Variants in TIPIN observed in about 807,000 individuals in gnomAD.
TIPIN encodes the protein TIMELESS interacting protein.
In TIPIN, 29 loss-of-function variants were observed where a neutral mutation model predicts 35.6. The observed-to-expected ratio is 0.82, with a 90% CI of 0.61 to 1.11. The LOEUF (loss-of-function observed/expected upper bound fraction) is 1.11. TIPIN is among the 50% of genes most tolerant of loss of function. The pLI is 0.00. For missense variants in TIPIN, 296 were observed against 345.4 expected (o/e 0.86, Z 1.13); for synonymous variants, 102 against 121.5 (o/e 0.84, Z 1.06).
chr15:66,353,093 G>C lies in TIPIN; in HGVS notation c.-8-138C>G, dbSNP rs554187345. The C allele has an allele frequency of 9.3e-5, 72 of 771,154 alleles. No individual in the cohort carries two copies. The Middle Eastern group carries it at 1.9e-3, about 21-fold the overall frequency. The allele number at this position is 771,154 out of a possible 1,614,324, so 47.8% of individuals were successfully genotyped here. The stretch of plus-strand genomic sequence containing the variant: ...CTCACACATCATGAAAAGTAGAGAA[G>C]ATACTAATTATGAAAAAAAAGACTA... On this transcript the variant is annotated intron_variant, in intron 1 of 7. Transcript: ENST00000261881.
At chr15:66,357,371 G>C (rs1040315871), upstream of TIPIN, among the ~76,000 whole-genome samples, 4 of 152,076 alleles carry the variant, frequency 2.6e-5, no homozygotes, top group Non-Finnish European at 4.4e-5. Context: ...TTTATGAATT[G>C]TTTATTGAAT....
In TIPIN at chr15:66,337,145, T is replaced by G. The variant is rs1400695441; in HGVS notation, c.719A>C (p.Glu240Ala). The change falls in exon 8 of 8, where the codon GAA (glutamate) becomes GCA (alanine). Residue 240 changes from glutamate (E) to alanine (A), a missense_variant. By Grantham distance (107) the Glu-to-Ala change is moderately radical. Coordinates refer to ENST00000261881, the MANE Select transcript of TIPIN (RefSeq NM_017858.3). ...LMNTPRAHTV[E>A]EVNTDEDQKE... is the part of the protein sequence containing the mutation. ...TTGATCCTCATCAGTATTAACCTCTTCAACCGTGTGTGCCCTGGGTGTATT... is the reference window on the plus strand; with the variant it reads ...TTGATCCTCATCAGTATTAACCTCTGCAACCGTGTGTGCCCTGGGTGTATT... The G allele has an allele frequency of 1.2e-6, 2 of 1,613,940 alleles. No homozygotes were observed. The highest frequency in any genetic ancestry group is 1.7e-6 in the Non-Finnish European group (2 of 1,179,988).
chr15:66,345,333 G>A (rs981822960), intron 6 of TIPIN, among the ~76,000 whole-genome samples: 2 of 151,988 alleles, frequency 1.3e-5, no homozygotes, highest in South Asian at 4.1e-4. Context: ...ATCCCGGCAC[G>A]TTGGGAGGCC....
rs2093276161 is a variant in TIPIN at position 66,371,148 on chromosome 15, T to C, written c.-9+15459A>G. 5.1e-6 allele frequency: 4 copies of C among 778,738 alleles called. No homozygotes were observed. The Admixed American group carries it at 2.5e-4, about 49-fold the overall frequency. The allele number at this position is 778,738 out of a possible 1,614,324, so 48.2% of individuals were successfully genotyped here. A position where few individuals can be genotyped will look rare whatever the true frequency, so the allele number is the denominator to read the frequency against. ...ATCACTTGAGCCCAGGAGGCAGAGG[T>C]TGCAGTGAGCTGAGATCTCGCCATT... On this transcript the variant is annotated intron_variant, in intron 1 of 7. Transcript: ENST00000562124.
At chr15:66,384,014 T>C (rs1204615450) in intron 1 of TIPIN, among the ~76,000 whole-genome samples, 3 of 152,190 alleles carry the variant, frequency 2.0e-5, no homozygotes, top group Non-Finnish European at 2.9e-5. Flanking sequence ...TATTTATTTT[T>C]GAGACGGAGT....
At chr15:66,359,640 C>T (rs909701168), upstream of TIPIN, among the ~76,000 whole-genome samples, 1 of 152,158 alleles carries the variant, frequency 6.6e-6, no homozygotes, top group Non-Finnish European at 1.5e-5. Flanking sequence ...TGAGTCACCT[C>T]ACCAGGCCTA....
chr15:66,340,747 C>T (rs1253227160), intron 7 of TIPIN, among the ~76,000 whole-genome samples: 1 of 151,892 alleles, frequency 6.6e-6, no homozygotes, highest in Non-Finnish European at 1.5e-5. Context: ...CTGGTGTGCA[C>T]CACCACACCT....
chr15:66,371,719 G>A (rs148043356), intron 1 of TIPIN, among the ~76,000 whole-genome samples: 2,117 of 151,948 alleles, frequency 0.014, 27 homozygotes, highest in South Asian at 0.041. Context: ...GGGTTTCACC[G>A]TGTTGGCCAG....
intron 6 of TIPIN, chr15:66,347,489 T>C (rs1013017521): frequency 3.7e-5 from 10 of 271,098 alleles, no homozygotes; most frequent in Non-Finnish European, 7.6e-5. Flanking sequence ...TATATATTTT[T>C]ATTAACAAGT....
intron 3 of TIPIN, among the ~76,000 whole-genome samples, chr15:66,351,841 G>A (rs192885545): frequency 9.6e-4 from 146 of 151,948 alleles, no homozygotes; most frequent in Non-Finnish European, 1.4e-3. Context: ...GGGTTTCACC[G>A]TATTAGCCAG....
At chr15:66,350,570 A>G (rs958608682) in intron 4 of TIPIN, among the ~76,000 whole-genome samples, 2 of 151,068 alleles carry the variant, frequency 1.3e-5, no homozygotes, top group East Asian at 2.0e-4. Flanking sequence ...GAGCCATTGC[A>G]CTCCAGCCTG....
At chr15:66,356,072 A>T (rs553918490) in intron 1 of TIPIN, among the ~76,000 whole-genome samples, 1 of 152,296 alleles carries the variant, frequency 6.6e-6, no homozygotes, top group African/African-American at 2.4e-5. Context: ...TCCAACTCCC[A>T]GAAGAGTGAA....
At chr15:66,364,958 C>T (rs1259086789) in intron 1 of TIPIN, among the ~76,000 whole-genome samples, 1 of 832 alleles carries the variant, frequency 1.2e-3, no homozygotes, top group South Asian at 0.045. Flanking sequence ...AAGAGTGAAA[C>T]TCCATCTCAA....
chr15:66,354,705 C>T (rs1057161617), intron 1 of TIPIN, among the ~76,000 whole-genome samples: 8 of 152,194 alleles, frequency 5.3e-5, no homozygotes, highest in African/African-American at 1.9e-4. Flanking sequence ...AGCTATATCC[C>T]TCAGGCCACT....
intron 7 of TIPIN, among the ~76,000 whole-genome samples, chr15:66,337,766 C>CAAAAAAAAAA (rs199560907): frequency 1.5e-5 from 1 of 67,846 alleles, no homozygotes; most frequent in Non-Finnish European, 3.6e-5. Context: ...AACAAAACAT[C>CAAAAAAAAAA]AAAAAAAATA....
chr15:66,343,506 A>C (rs761089171), intron 6 of TIPIN, among the ~76,000 whole-genome samples: 24 of 152,222 alleles, frequency 1.6e-4, no homozygotes, highest in Non-Finnish European at 2.6e-4. Context: ...TTTAAAAATC[A>C]TGATACTTAA....
At chr15:66,381,286 A>C (rs1226089084) in intron 1 of TIPIN, among the ~76,000 whole-genome samples, 1 of 151,968 alleles carries the variant, frequency 6.6e-6, no homozygotes, top group African/African-American at 2.4e-5. Flanking sequence ...AAATACAAAA[A>C]AATTAGCCGA....
Position 66,363,802 on chromosome 15 carries a change from GA to G in TIPIN, c.-8-10848del, listed in dbSNP as rs549865848. ...TCGAGACCATCCTGGCTAACATGGT[GA>G]AACCACATCTCTGTTAAAAATACAA... On this transcript the variant is annotated intron_variant, in intron 1 of 7. Coordinates refer to the TIPIN transcript ENST00000562124. Among the ~76,000 whole-genome samples the G allele has an allele frequency of 3.2e-4, 49 of 151,842 alleles. No individual in the cohort carries two copies. The East Asian group carries it at 8.6e-3, about 27-fold the overall frequency.
intron 1 of TIPIN, among the ~76,000 whole-genome samples, chr15:66,374,281 T>C (rs2093287935): frequency 6.8e-6 from 1 of 146,780 alleles, no homozygotes; most frequent in South Asian, 2.1e-4. Context: ...TAGCATTAGG[T>C]ACTTACACTG....
Sources: allele counts gnomAD v4.1 joint callset (sites outside exome capture counted in the v4.1 genomes callset), GRCh38; gene constraint gnomAD v4.1.1; transcripts MANE v1.5; gene names NCBI Gene and HGNC (gene_info 2026-07-23, HGNC 2026-07-21).